RAD51B: variants seen among roughly 807,000 people sequenced by gnomAD.
RAD51B encodes DNA repair protein RAD51 homolog 2.
In RAD51B, 38 loss-of-function variants were observed where a neutral mutation model predicts 42.2. The ratio of observed to expected loss-of-function variants is 0.90; its 90% CI spans 0.70 to 1.18. RAD51B has a LOEUF of 1.18. RAD51B is among the 50% of genes most tolerant of loss of function. The pLI is 0.00. For missense variants in RAD51B, 373 were observed against 400.7 expected, an observed-to-expected ratio of 0.93 and a Z score of 0.59; for synonymous variants, 154 against 145.2, an observed-to-expected ratio of 1.06 and a Z score of -0.43.
intron 10 of RAD51B, among the ~76,000 whole-genome samples, chr14:68,513,659 G>A (rs1192195113): frequency 1.3e-5 from 2 of 152,168 alleles, no homozygotes; most frequent in Non-Finnish European, 1.5e-5. Context: ...ACCTCACAGG[G>A]GAGCAGAGAG....
chr14:68,250,716 A>G (rs1221480633), intron 7 of RAD51B, among the ~76,000 whole-genome samples: 1 of 152,256 alleles, frequency 6.6e-6, no homozygotes, highest in Non-Finnish European at 1.5e-5. Context: ...AGGGCCTCAT[A>G]CCTACATCTC....
chr14:68,607,444 C>T (rs1203138223), intron 10 of RAD51B, among the ~76,000 whole-genome samples: 1 of 152,206 alleles, frequency 6.6e-6, no homozygotes, highest in East Asian at 1.9e-4. Context: ...CCCCACAGCC[C>T]ATCTCTTCCA....
intron 7 of RAD51B, among the ~76,000 whole-genome samples, chr14:68,061,972 T>G (rs1187260291): frequency 6.6e-6 from 1 of 152,220 alleles, no homozygotes; most frequent in African/African-American, 2.4e-5. Flanking sequence ...TTTGTCTTGT[T>G]CTGGTTCTTA....
At chr14:68,172,973 C>T (rs1228761715) in intron 7 of RAD51B, among the ~76,000 whole-genome samples, 1 of 152,096 alleles carries the variant, frequency 6.6e-6, no homozygotes, top group Non-Finnish European at 1.5e-5. Context: ...TTGTTTTAGT[C>T]TGAAGATGAT....
intron 10 of RAD51B, among the ~76,000 whole-genome samples, chr14:68,626,678 A>T (rs1282235266): frequency 1.3e-5 from 2 of 152,244 alleles, no homozygotes; most frequent in South Asian, 4.1e-4. Flanking sequence ...TTCTAGAGCA[A>T]GTGTCCCATA....
intron 10 of RAD51B, among the ~76,000 whole-genome samples, chr14:68,586,816 C>A (rs1396281061): frequency 6.6e-6 from 1 of 152,104 alleles, no homozygotes; most frequent in Non-Finnish European, 1.5e-5. Flanking sequence ...ACCAGCCTGG[C>A]TAACATGGTG....
chr14:68,640,685 A>G (rs1892442510), intron 10 of RAD51B, among the ~76,000 whole-genome samples: 1 of 152,258 alleles, frequency 6.6e-6, no homozygotes, highest in Admixed American at 6.5e-5. Context: ...GGTGACTTAC[A>G]GTGGAGAAGA....
At chr14:67,836,332 C>G (rs1192174564) in intron 4 of RAD51B, among the ~76,000 whole-genome samples, 2 of 152,134 alleles carry the variant, frequency 1.3e-5, no homozygotes, top group African/African-American at 4.8e-5. Context: ...TGGCTGACTT[C>G]CCCCAGGTGA....
intron 10 of RAD51B, among the ~76,000 whole-genome samples, chr14:68,631,321 C>T (rs1011247410): frequency 2.6e-5 from 4 of 152,196 alleles, no homozygotes; most frequent in Non-Finnish European, 5.9e-5. Flanking sequence ...CAGGAAAATA[C>T]AGTGATAATA....
In RAD51B at chr14:68,546,254, G is replaced by A. The variant is rs191305156; in HGVS notation, c.1037-48231G>A. Among the ~76,000 whole-genome samples the A allele has an allele frequency of 1.6e-3, 245 of 152,308 alleles. 1 individual carries two copies. The highest frequency in any genetic ancestry group is 8.5e-4 in the Non-Finnish European group (58 of 68,032). ...CAGAGAGGTGCTGAGAGCCTAATCC[G>A]GGGCTATGGTGGCATAGAAGGGAAG... On this transcript the variant is annotated intron_variant, in intron 10 of 10. Transcript: ENST00000487270.
intron 8 of RAD51B, among the ~76,000 whole-genome samples, chr14:68,360,913 C>A (rs1263153009): frequency 2.6e-5 from 4 of 152,154 alleles, no homozygotes; most frequent in African/African-American, 9.7e-5. Context: ...CAGAGCAAGG[C>A]CTGTCTGTTC....
intron 7 of RAD51B, among the ~76,000 whole-genome samples, chr14:68,172,864 C>T (rs1279358048): frequency 1.3e-5 from 2 of 152,078 alleles, no homozygotes; most frequent in African/African-American, 2.4e-5. Flanking sequence ...AGTAGTTTGC[C>T]CTTCCTGTAT....
intron 7 of RAD51B, among the ~76,000 whole-genome samples, chr14:68,220,777 A>C (rs2079909098): frequency 6.6e-6 from 1 of 152,186 alleles, no homozygotes; most frequent in Non-Finnish European, 1.5e-5. Context: ...ACACAAAATT[A>C]ACATACACAA....
chr14:67,882,847 C>T (rs2042952300), intron 5 of RAD51B, among the ~76,000 whole-genome samples: 3 of 152,030 alleles, frequency 2.0e-5, no homozygotes, highest in African/African-American at 7.2e-5. Flanking sequence ...CAGATTCAAG[C>T]GATTCTCTTG....
chr14:68,407,111 A>T (rs114584295), intron 8 of RAD51B, among the ~76,000 whole-genome samples: 2,669 of 152,312 alleles, frequency 0.018, 77 homozygotes, highest in African/African-American at 0.06. Context: ...AATCATGATT[A>T]AAAAAAGTAT....
At chr14:68,526,617 G>A (rs1406388904) in intron 10 of RAD51B, among the ~76,000 whole-genome samples, 1 of 152,206 alleles carries the variant, frequency 6.6e-6, no homozygotes, top group African/African-American at 2.4e-5. Flanking sequence ...TGTGTTTAGA[G>A]TTATGCAAGT....
chr14:67,954,501 A>C (rs2074511141), intron 7 of RAD51B, among the ~76,000 whole-genome samples: 1 of 152,240 alleles, frequency 6.6e-6, no homozygotes, highest in Non-Finnish European at 1.5e-5. Context: ...TCCACTCTCC[A>C]GAGGAGAAGA....
intron 10 of RAD51B, among the ~76,000 whole-genome samples, chr14:68,602,517 GCT>G (rs879282161): frequency 0.23 from 32,694 of 141,010 alleles, 3,750 homozygotes; most frequent in East Asian, 0.41. Flanking sequence ...TAGATAGATA[GCT>G]AGCTAGATAG....
At chr14:68,259,025 G>T (rs770892023) in intron 7 of RAD51B, among the ~76,000 whole-genome samples, 3 of 152,154 alleles carry the variant, frequency 2.0e-5, no homozygotes, top group African/African-American at 4.8e-5. Context: ...ACTGAGTCAA[G>T]GGCAGAAACT....
Sources: gnomAD v4.1 joint callset for allele counts (sites outside exome capture counted in the v4.1 genomes callset) on GRCh38, gnomAD v4.1.1 for gene constraint, MANE v1.5 for transcripts, NCBI Gene and HGNC (gene_info 2026-07-23, HGNC 2026-07-21) for gene names.